Variants in CHSY1 observed in about 807,000 individuals in gnomAD.
CHSY1 encodes N-acetylgalactosaminyl-proteoglycan 3-beta-glucuronosyltransferase 1.
CHSY1 carries 13 observed loss-of-function variants against 59.8 expected under a neutral mutation model. The ratio of observed to expected loss-of-function variants is 0.22; its 90% CI spans 0.14 to 0.35. The LOEUF is 0.35. Among genes scored for constraint, CHSY1 ranks in the 10% least tolerant of loss-of-function variants. The pLI is 1.00. For synonymous variants in CHSY1, 459 were observed against 401.2 expected, an observed-to-expected ratio of 1.14 and a Z score of -1.72; for missense variants, 947 against 1,030.6, an observed-to-expected ratio of 0.92 and a Z score of 1.11.
At chr15:101,201,373 G>A (rs2038572691) in intron 2 of CHSY1, among the ~76,000 whole-genome samples, 1 of 152,222 alleles carries the variant, frequency 6.6e-6, no homozygotes, top group South Asian at 2.1e-4. Context: ...CCTGGCAGGA[G>A]GAACCACCAA....
chr15:101,212,114 GCACTA>G (rs1461897747), intron 2 of CHSY1, among the ~76,000 whole-genome samples: 2 of 152,102 alleles, frequency 1.3e-5, no homozygotes, highest in African/African-American at 4.8e-5. Context: ...TGAAGTAAAT[GCACTA>G]CACACCCATC....
chr15:101,188,803 G>A (rs971745594), intron 2 of CHSY1, among the ~76,000 whole-genome samples: 2 of 152,200 alleles, frequency 1.3e-5, no homozygotes, highest in African/African-American at 4.8e-5. Context: ...TTTTGCAACT[G>A]AACATTCCAT....
chr15:101,203,709 C>T (rs938659499), intron 2 of CHSY1, among the ~76,000 whole-genome samples: 1 of 152,160 alleles, frequency 6.6e-6, no homozygotes, highest in Non-Finnish European at 1.5e-5. Context: ...AAATCATGTG[C>T]TCCTGATGTG....
chr15:101,177,536 T>C lies in CHSY1; in HGVS notation c.2261A>G (p.Asn754Ser), dbSNP rs368473636. 2.2e-5 allele frequency: 36 copies of C among 1,613,566 alleles called. No individual in the cohort carries two copies. Among genetic ancestry groups the C allele is most frequent in the African/African-American group, 2.7e-5 (2 of 74,908 alleles). Residue 754 changes from asparagine to serine, a missense_variant, in exon 3 of 3, where the codon AAT becomes AGT. Physicochemically the swap from Asn to Ser is conservative, Grantham distance 46. Transcript: ENST00000254190. ...CATTTTGTACTGTTTGGGGTCAAGA[T>C]TGGGATCACAAAAGACAGGATGGTG... The part of the protein sequence containing the change: ...HVHHPVFCDP[N>S]LDPKQYKMCL...
At chr15:101,220,928 GTC>G (rs1491467432) in intron 2 of CHSY1, among the ~76,000 whole-genome samples, 1 of 152,042 alleles carries the variant, frequency 6.6e-6, no homozygotes, top group Non-Finnish European at 1.5e-5. Flanking sequence ...CCCTCCATCA[GTC>G]GACCGCCTTA....
intron 2 of CHSY1, among the ~76,000 whole-genome samples, chr15:101,211,829 G>T (rs1596443931): frequency 6.6e-6 from 1 of 151,364 alleles, no homozygotes; most frequent in East Asian, 1.9e-4. Context: ...GCAATGGAAT[G>T]ATATCTTCCA....
intron 2 of CHSY1, among the ~76,000 whole-genome samples, chr15:101,201,796 G>C (rs1457011301): frequency 6.6e-6 from 1 of 152,204 alleles, no homozygotes; most frequent in Non-Finnish European, 1.5e-5. Flanking sequence ...TAACCAGATG[G>C]AAAGGAAGGC....
chr15:101,247,947 C>T (rs1015263392), intron 1 of CHSY1, among the ~76,000 whole-genome samples: 1 of 152,154 alleles, frequency 6.6e-6, no homozygotes, highest in Non-Finnish European at 1.5e-5. Flanking sequence ...AGTCCCTTCA[C>T]CTAAATTCTG....
At chr15:101,188,502 C>T (rs1245177810) in intron 2 of CHSY1, among the ~76,000 whole-genome samples, 1 of 151,892 alleles carries the variant, frequency 6.6e-6, no homozygotes, top group East Asian at 1.9e-4. Flanking sequence ...TTTGTGTAGG[C>T]TTTGCCAATT....
At chr15:101,242,685 C>T (rs370540344) in intron 1 of CHSY1, 4 of 152,306 alleles carry the variant, frequency 2.6e-5, no homozygotes, top group Admixed American at 6.5e-5. Context: ...AGTGATGCCA[C>T]GGGCCTCTCC....
chr15:101,225,926 C>T (rs1018239365), intron 2 of CHSY1, among the ~76,000 whole-genome samples: 1 of 152,176 alleles, frequency 6.6e-6, no homozygotes, highest in Non-Finnish European at 1.5e-5. Flanking sequence ...TCGATCCCAC[C>T]TCCTGAGAGT....
chr15:101,199,222 G>A (rs1368312371), intron 2 of CHSY1, among the ~76,000 whole-genome samples: 4 of 152,132 alleles, frequency 2.6e-5, no homozygotes, highest in East Asian at 1.9e-4. Flanking sequence ...ACATCACTGC[G>A]GCCGGGCGCA....
chr15:101,213,482 C>T (rs2038702568), intron 2 of CHSY1, among the ~76,000 whole-genome samples: 1 of 152,006 alleles, frequency 6.6e-6, no homozygotes, highest in African/African-American at 2.4e-5. Flanking sequence ...ACAATTAAAC[C>T]CAAGTGCCAG....
Position 101,177,622 on chromosome 15 carries a change from G to C in CHSY1, c.2175C>G (p.Asn725Lys). The C allele has an allele frequency of 1.9e-6, 3 of 1,614,156 alleles. No homozygotes were observed. Among genetic ancestry groups the C allele is most frequent in the Non-Finnish European group, 2.5e-6 (3 of 1,180,026 alleles). The stretch of plus-strand genomic sequence containing the variant: ...TCTTCAAACCTGCCTGGACAACCTT[G>C]TTGAAAAGGTCCACATCCTCCAGCC... ...GWGLEDVDLF[N>K]KVVQAGLKTF... is the part of the protein sequence containing the mutation. Residue 725 changes from asparagine to lysine, a missense_variant, in exon 3 of 3, where the codon AAC (asparagine) becomes AAG (lysine). Transcript: ENST00000254190.
intron 1 of CHSY1, among the ~76,000 whole-genome samples, chr15:101,238,984 T>A (rs2038974888): frequency 6.6e-6 from 1 of 152,172 alleles, no homozygotes. Context: ...TCTGATGCGG[T>A]GACATATGGA....
At chr15:101,231,780 C>G (rs1345414901) in intron 2 of CHSY1, among the ~76,000 whole-genome samples, 2 of 152,192 alleles carry the variant, frequency 1.3e-5, no homozygotes, top group Admixed American at 1.3e-4. Flanking sequence ...TCTTTTTGTT[C>G]CCTCTTAAGA....
intron 2 of CHSY1, among the ~76,000 whole-genome samples, chr15:101,203,450 G>A (rs2038593197): frequency 1.3e-5 from 2 of 149,934 alleles, no homozygotes; most frequent in African/African-American, 2.4e-5. Context: ...CCCATATACG[G>A]CTGCTCAACA....
chr15:101,203,545 G>C (rs567204840), intron 2 of CHSY1, among the ~76,000 whole-genome samples: 59 of 152,274 alleles, frequency 3.9e-4, no homozygotes, highest in African/African-American at 1.3e-3. Flanking sequence ...AAAATTAGTG[G>C]ATGATGCTTA....
At chr15:101,205,888 C>G (rs528302184) in intron 2 of CHSY1, among the ~76,000 whole-genome samples, 5 of 151,860 alleles carry the variant, frequency 3.3e-5, no homozygotes, top group East Asian at 1.9e-4. Flanking sequence ...GGAGGCGGAG[C>G]TTGCAGTGAG....
Sources: allele counts gnomAD v4.1 joint callset (sites outside exome capture counted in the v4.1 genomes callset), GRCh38; gene constraint gnomAD v4.1.1; transcripts MANE v1.5; gene names NCBI Gene and HGNC (gene_info 2026-07-23, HGNC 2026-07-21).